TAF5: variants seen among roughly 807,000 people sequenced by gnomAD.
TAF5 encodes transcription initiation factor TFIID subunit 5.
TAF5 carries 20 observed loss-of-function variants against 80.9 expected under a neutral mutation model. That is an observed-to-expected ratio of 0.25 (90% CI 0.17 to 0.36). The LOEUF (loss-of-function observed/expected upper bound fraction) is 0.36. TAF5 is among the 10% of genes least tolerant of loss of function. The probability of loss-of-function intolerance (pLI) is 1.00; values close to 1 mark genes in which losing one functional copy is unlikely to be tolerated. For synonymous variants in TAF5, 388 were observed against 406.4 expected (o/e 0.95, Z 0.55); for missense variants, 863 against 1,029.4 (o/e 0.84, Z 2.21).
At position 103,388,391 on chromosome 10, in the gene TAF5, C is replaced by T. The variant is rs2093402991; in HGVS notation, c.*168C>T. 1 of 593,212 alleles carries T rather than the reference C, an allele frequency of 1.7e-6. No homozygotes were observed. 36.7% of individuals were successfully genotyped at this position (593,212 alleles called of 1,614,324 possible). A position where few individuals can be genotyped will look rare whatever the true frequency, so the allele number is the denominator to read the frequency against. On this transcript the variant is annotated 3_prime_UTR_variant, in exon 11 of 11. Transcript: ENST00000369839. ...ACAGGACAGTTCCACGTTTCTATAG[C>T]AACCACATTTGACTAATTTCCGTTA... is the stretch of plus-strand genomic sequence containing the variant.
chr10:103,370,927 C>G (rs1302720029), intron 1 of TAF5, among the ~76,000 whole-genome samples: 1 of 151,942 alleles, frequency 6.6e-6, no homozygotes, highest in African/African-American at 2.4e-5. Context: ...CATTGTAATC[C>G]GTAAATAGAA....
intron 2 of TAF5, 68 bp downstream of exon 2, chr10:103,373,663 T>G: frequency 6.6e-6 from 8 of 1,215,412 alleles, no homozygotes; most frequent in Non-Finnish European, 9.2e-6. Context: ...GCATATGTTT[T>G]CACATCTGTA....
chr10:103,384,020 A>G (rs1243577778), intron 7 of TAF5, among the ~76,000 whole-genome samples: 1 of 151,172 alleles, frequency 6.6e-6, no homozygotes, highest in East Asian at 1.9e-4. Flanking sequence ...CTTTAGTTTT[A>G]TAGAACTCCA....
chr10:103,367,996 G>C lies in TAF5; in HGVS notation c.7G>C (p.Ala3Pro). 6.8e-7 allele frequency: 1 copy of C among 1,461,192 alleles called. No homozygotes were observed. The highest frequency in any genetic ancestry group is 9.0e-7 in the Non-Finnish European group (1 of 1,113,706). 90.5% of individuals were successfully genotyped at this position (1,461,192 alleles called of 1,614,324 possible). The change falls in exon 1 of 11, where the codon GCG (alanine) becomes CCG (proline). Residue 3 changes from alanine to proline, a missense_variant. Physicochemically the swap from Ala to Pro is conservative, Grantham distance 27. Around this residue, in one of 3 missense-constraint regions of TAF5, gnomAD observed 367 missense variants for 335.5 expected, o/e 1.09. Transcript: ENST00000369839. MAALAEEQTEVAV... is the reference protein window; with the variant it reads MAPLAEEQTEVAV... ...GAGGTGGCTCAGCCGCAAGATGGCGGCGCTGGCGGAGGAGCAGACGGAGGT... is the reference window on the plus strand; with the variant it reads ...GAGGTGGCTCAGCCGCAAGATGGCGCCGCTGGCGGAGGAGCAGACGGAGGT...
intron 1 of TAF5, among the ~76,000 whole-genome samples, chr10:103,369,361 CT>C (rs1031952882): frequency 6.9e-6 from 1 of 145,780 alleles, no homozygotes; most frequent in African/African-American, 2.5e-5. Flanking sequence ...TTTTCTTTTT[CT>C]TTTTTTCTTT....
intron 7 of TAF5, among the ~76,000 whole-genome samples, chr10:103,384,024 A>T (rs1459977093): frequency 1.3e-5 from 2 of 151,912 alleles, no homozygotes; most frequent in Non-Finnish European, 2.9e-5. Context: ...AGTTTTATAG[A>T]ACTCCATTAG....
rs1249767576 is a variant in TAF5 at position 103,368,356 on chromosome 10, C to G, written c.367C>G (p.Leu123Val). The G allele has an allele frequency of 4.6e-5, 73 of 1,576,750 alleles. No homozygotes were observed. The East Asian group carries it at 1.7e-3, about 36-fold the overall frequency. Residue 123 changes from leucine (L) to valine (V), a missense_variant, in exon 1 of 11, where the codon CTG (leucine) becomes GTG (valine). By Grantham distance (32) the Leu-to-Val change is conservative. This residue lies in a region of TAF5 where 367 missense variants were observed against 335.5 expected (regional missense o/e 1.09). Coordinates refer to ENST00000369839, the MANE Select transcript of TAF5 (RefSeq NM_006951.5). ...GGCGCTGCGCCGTGAGGCCGGGCTG[C>G]TGGAGGAGGCAGTGGCGGGCTCCGG... ...EEALRREAGL[L>V]EEAVAGSGAP...
chr10:103,378,613 A>G lies in TAF5; in HGVS notation c.1113+63A>G. On this transcript the variant is annotated intron_variant, in intron 3 of 10. Coordinates refer to ENST00000369839, the MANE Select transcript of TAF5 (RefSeq NM_006951.5). The surrounding 1 kb of genome is among the most constrained non-coding windows in gnomAD (Gnocchi z 4.1). ...ATGAAAAATTGTAGCATTTCCATCT[A>G]CATAAGTTACACATTTTTCTTATAG... 1 of 1,480,378 alleles carries G rather than the reference A, an allele frequency of 6.8e-7. No homozygotes were observed. The highest frequency in any genetic ancestry group is 2.4e-5 in the Admixed American group (1 of 41,802). The allele number at this position is 1,480,378 out of a possible 1,614,324, so 91.7% of individuals were successfully genotyped here.
At chr10:103,379,587 G>A (rs2093377498) in intron 3 of TAF5, 21 bp from the exon 4 acceptor site, 1 of 1,552,838 alleles carries the variant, frequency 6.4e-7, no homozygotes, top group Non-Finnish European at 8.7e-7. Context: ...TTTTAAAAAT[G>A]TTGGCTCTTT....
In TAF5 at chr10:103,387,630, A is replaced by G. The variant is rs1471037027; in HGVS notation, c.2117A>G (p.Glu706Gly). Residue 706 changes from glutamate (E) to glycine (G), a missense_variant, in exon 10 of 11, where the codon GAA becomes GGA. Coordinates refer to ENST00000369839, the MANE Select transcript of TAF5 (RefSeq NM_006951.5). ...WDIGHGLMVG[E>G]LKGHTDTVCS... ...ATTGGACATGGTTTGATGGTTGGAG[A>G]ATTAAAAGGCCACACTGATACAGTC... is the stretch of plus-strand genomic sequence containing the variant. 6.2e-7 allele frequency: 1 copy of G among 1,614,020 alleles called. No individual in the cohort carries two copies. Among genetic ancestry groups the G allele is most frequent in the African/African-American group, 1.3e-5 (1 of 74,916 alleles).
rs758389616 is a variant in TAF5 at position 103,379,986 on chromosome 10, C to T, written c.1380C>T (p.Ser460=). 2 of 1,613,634 alleles carry T rather than the reference C, an allele frequency of 1.2e-6. No homozygotes were observed. The highest frequency in any genetic ancestry group is 3.3e-5 in the Admixed American group (2 of 59,892). ...GCCTTGGGCCGGACTGCTTACCCTC[C>T]ATTTGTTTCTATACATTTCTCAATG... The part of the protein sequence containing the change: ...RVRLGPDCLP[S]ICFYTFLNAY... Residue 460 remains serine, a synonymous_variant, in exon 5 of 11, where the codon TCC becomes TCT. Transcript: ENST00000369839.
In TAF5 at chr10:103,368,403, C is replaced by A; in HGVS notation, c.414C>A (p.Ser138Arg). The A allele has an allele frequency of 6.4e-7, 1 of 1,566,072 alleles. No homozygotes were observed. The highest frequency in any genetic ancestry group is 8.6e-7 in the Non-Finnish European group (1 of 1,165,474). Residue 138 changes from serine to arginine, a missense_variant, in exon 1 of 11, where the codon AGC becomes AGA. Physicochemically the swap from Ser to Arg is moderately radical, Grantham distance 110. Transcript: ENST00000369839. ...CCGGAGCCCCGGGAGAGGTGGACAG[C>A]GCCGGCGCTGAGGTGACCAGCGCGC... ...AGSGAPGEVD[S>R]AGAEVTSALL...
At chr10:103,386,554 G>T (rs898508450) in intron 8 of TAF5, among the ~76,000 whole-genome samples, 2 of 152,154 alleles carry the variant, frequency 1.3e-5, no homozygotes, top group South Asian at 2.1e-4. Context: ...TTAAGTTTTG[G>T]CTGGCTACAG....
intron 8 of TAF5, among the ~76,000 whole-genome samples, chr10:103,386,376 G>T (rs1205380275): frequency 1.3e-5 from 2 of 152,110 alleles, no homozygotes; most frequent in Admixed American, 1.3e-4. Flanking sequence ...GGAGGCAGAG[G>T]TTGCAGTGAG....
intron 1 of TAF5, among the ~76,000 whole-genome samples, chr10:103,370,304 A>G (rs1249931441): frequency 1.4e-5 from 2 of 141,644 alleles, no homozygotes; most frequent in Admixed American, 7.1e-5. Context: ...TTCTCTCTCT[A>G]TTAAATGAGT....
At chr10:103,370,449 C>A (rs1329624874) in intron 1 of TAF5, among the ~76,000 whole-genome samples, 2 of 150,636 alleles carry the variant, frequency 1.3e-5, no homozygotes, top group East Asian at 4.0e-4. Context: ...CCTCAGCCTC[C>A]CGAGTAGGTG....
chr10:103,381,103 C>T (rs879608111), intron 5 of TAF5, among the ~76,000 whole-genome samples: 1 of 151,342 alleles, frequency 6.6e-6, no homozygotes, highest in Non-Finnish European at 1.5e-5. Context: ...CATGAGCCAC[C>T]ACGCCCAGCT....
At chr10:103,371,826 AT>A (rs534131755) in intron 1 of TAF5, among the ~76,000 whole-genome samples, 2 of 152,152 alleles carry the variant, frequency 1.3e-5, no homozygotes, top group Non-Finnish European at 2.9e-5. Flanking sequence ...GGTGGGTGCC[AT>A]TTGCACAGAG....
intron 2 of TAF5, among the ~76,000 whole-genome samples, chr10:103,375,685 T>C (rs1198377207): frequency 1.3e-5 from 2 of 151,844 alleles, no homozygotes; most frequent in Non-Finnish European, 2.9e-5. Flanking sequence ...GCTCCAAATT[T>C]AATGGCCAAG....
Sources: gnomAD v4.1 joint callset for allele counts (sites outside exome capture counted in the v4.1 genomes callset) on GRCh38, gnomAD v4.1.1 for gene constraint, gnomAD v4.1.1 regional missense constraint, Gnocchi (gnomAD v3.1) non-coding constraint, MANE v1.5 for transcripts, NCBI Gene and HGNC (gene_info 2026-07-23, HGNC 2026-07-21) for gene names.